The following TFDP2 variants were observed in gnomAD, a reference collection of about 807,000 sequenced individuals.
TFDP2 encodes the protein transcription factor Dp-2 (E2F dimerization partner 2).
In TFDP2, 17 loss-of-function variants were observed where a neutral mutation model predicts 59.3. The ratio of observed to expected loss-of-function variants is 0.29; its 90% CI spans 0.20 to 0.43. TFDP2 has a LOEUF of 0.43. Among genes scored for constraint, TFDP2 ranks in the 20% least tolerant of loss-of-function variants. The pLI is 1.00. For missense variants in TFDP2, 391 were observed against 528.8 expected (o/e 0.74, Z 2.56); for synonymous variants, 180 against 194.7 (o/e 0.92, Z 0.63).
intron 3 of TFDP2, among the ~76,000 whole-genome samples, chr3:142,078,769 A>G (rs554715378): frequency 6.6e-6 from 1 of 152,278 alleles, no homozygotes; most frequent in South Asian, 2.1e-4. Context: ...CACCAAGACC[A>G]TCCAGGAAAA....
intron 6 of TFDP2, among the ~76,000 whole-genome samples, chr3:141,984,843 T>G (rs1430148719): frequency 6.6e-6 from 1 of 152,242 alleles, no homozygotes; most frequent in East Asian, 1.9e-4. Context: ...CAATTATGGC[T>G]ACAAAACCAA....
At chr3:142,103,663 A>G (rs2061382312) in intron 1 of TFDP2, among the ~76,000 whole-genome samples, 1 of 152,184 alleles carries the variant, frequency 6.6e-6, no homozygotes, top group Non-Finnish European at 1.5e-5. Flanking sequence ...AATCTGGGTG[A>G]AGGGCATCTG....
At chr3:142,005,924 C>T (rs1236712949) in intron 3 of TFDP2, among the ~76,000 whole-genome samples, 5 of 117,876 alleles carry the variant, frequency 4.2e-5, no homozygotes, top group Non-Finnish European at 1.0e-4. Context: ...CATAACAGAA[C>T]AAATAATATA....
At chr3:142,139,097 T>C (rs974678676) in intron 1 of TFDP2, among the ~76,000 whole-genome samples, 7 of 152,248 alleles carry the variant, frequency 4.6e-5, no homozygotes, top group African/African-American at 1.4e-4. Context: ...TCTTGTTGAA[T>C]TGATCCCTGT....
intron 3 of TFDP2, among the ~76,000 whole-genome samples, chr3:142,020,679 T>TAA (rs549357924): frequency 1.6e-3 from 227 of 138,480 alleles, no homozygotes; most frequent in African/African-American, 5.2e-3. Flanking sequence ...CCTTTTTCTT[T>TAA]AAAAAAAAAA....
intron 6 of TFDP2, among the ~76,000 whole-genome samples, chr3:141,993,309 A>G (rs1942968153): frequency 6.6e-6 from 1 of 152,232 alleles, no homozygotes; most frequent in Non-Finnish European, 1.5e-5. Context: ...AGGAGAGACT[A>G]AAGGACATAC....
intron 2 of TFDP2, among the ~76,000 whole-genome samples, chr3:142,093,545 A>AT (rs2061067077): frequency 6.6e-6 from 1 of 152,170 alleles, no homozygotes; most frequent in Admixed American, 6.5e-5. Context: ...GATTTTACAG[A>AT]TTTTACTGAC....
At chr3:141,957,517 T>C (rs936601532) in intron 11 of TFDP2, among the ~76,000 whole-genome samples, 4 of 152,126 alleles carry the variant, frequency 2.6e-5, no homozygotes, top group African/African-American at 9.7e-5. Context: ...TTTATAAGAA[T>C]GTTAACAGCA....
chr3:141,953,062 G>T, intron 11 of TFDP2, 46 bp from the exon 12 acceptor site: 2 of 1,376,710 alleles, frequency 1.5e-6, no homozygotes, highest in Non-Finnish European at 2.1e-6. Context: ...TGCAAGTTCT[G>T]TGGCTGCTGT....
At chr3:142,020,893 G>A (rs1008345637) in intron 3 of TFDP2, among the ~76,000 whole-genome samples, 90 of 152,000 alleles carry the variant, frequency 5.9e-4, no homozygotes, top group African/African-American at 2.1e-3. Flanking sequence ...GCTGAGGCAA[G>A]AGGATCTCCT....
chr3:142,108,982 G>A (rs898261830), intron 1 of TFDP2, among the ~76,000 whole-genome samples: 47 of 152,154 alleles, frequency 3.1e-4, no homozygotes, highest in Non-Finnish European at 1.3e-4. Context: ...CCCAGTCTAG[G>A]TAAGGGGTAT....
chr3:141,999,221 A>G (rs1257354612), intron 4 of TFDP2, among the ~76,000 whole-genome samples: 2 of 152,210 alleles, frequency 1.3e-5, no homozygotes, highest in Non-Finnish European at 2.9e-5. Context: ...CTTCCATTTA[A>G]TGAATTATAA....
Position 141,963,945 on chromosome 3 carries a change from G to C in TFDP2, c.751C>G (p.Leu251Val), listed in dbSNP as rs1042007936. The change falls in exon 10 of 13, where the codon CTG becomes GTG. Residue 251 changes from leucine to valine, a missense_variant. By Grantham distance (32) the Leu-to-Val change is conservative. Around this residue, in one of 3 missense-constraint regions of TFDP2, gnomAD observed 223 missense variants for 292.5 expected, o/e 0.76. Transcript: ENST00000489671. ...LLLQQIAFKN[L>V]VQRNRQNEQQ... ...TCATTTTGTCGATTTCTCTGTACCA[G>C]GTTTTTGAAAGCGATTTGCTGTAAT... 3 of 1,612,988 alleles carry C rather than the reference G, an allele frequency of 1.9e-6. No individual in the cohort carries two copies. Among genetic ancestry groups the C allele is most frequent in the Non-Finnish European group, 2.5e-6 (3 of 1,179,802 alleles).
At chr3:142,138,267 T>C (rs535534925) in intron 1 of TFDP2, among the ~76,000 whole-genome samples, 1 of 152,304 alleles carries the variant, frequency 6.6e-6, no homozygotes, top group South Asian at 2.1e-4. Flanking sequence ...TTCTCTCCTC[T>C]TTATTAGTCT....
At position 141,949,013 on chromosome 3, in the gene TFDP2, G is replaced by C. The variant is rs565939862; in HGVS notation, c.*3500C>G. 6.3e-5 allele frequency: 9 copies of C among 143,386 alleles called. No homozygotes were observed. Among genetic ancestry groups the C allele is most frequent in the Non-Finnish European group, 1.4e-4 (9 of 66,344 alleles). 8.9% of individuals were successfully genotyped at this position (143,386 alleles called of 1,614,324 possible). ...GAATGGCGTGAACCCGGGAGGCGGA[G>C]CTTGCAGTGAGCCGAGATCACCACT... On this transcript the variant is annotated 3_prime_UTR_variant, in exon 13 of 13. Transcript: ENST00000489671.
In TFDP2 at chr3:141,962,353, T is replaced by A. The variant is rs551974667; in HGVS notation, c.884+1459A>T. On this transcript the variant is annotated intron_variant, in intron 10 of 12. Coordinates refer to ENST00000489671, the MANE Select transcript of TFDP2 (RefSeq NM_001178139.2). ...TATCAAATAGTTTTGAAATTCCTGCTGTTTTTTTCTTTTTTCTTTTTTCGA... is the reference window on the plus strand; with the variant it reads ...TATCAAATAGTTTTGAAATTCCTGCAGTTTTTTTCTTTTTTCTTTTTTCGA... Among the ~76,000 whole-genome samples the A allele has an allele frequency of 2.6e-5, 4 of 152,200 alleles. No individual in the cohort carries two copies. In the East Asian group the frequency reaches 7.7e-4, roughly 29 times the overall value.
In TFDP2 at chr3:142,103,109, G is replaced by A. The variant is rs2862129; in HGVS notation, c.-92-1268C>T. ...AAAAATTAGCTGGGTGTGGTGGTGC[G>A]TGTCTGTAGTCCTGGCTACTTGGGA... On this transcript the variant is annotated intron_variant, in intron 1 of 12. Coordinates refer to ENST00000489671, the MANE Select transcript of TFDP2 (RefSeq NM_001178139.2). Among the ~76,000 whole-genome samples, 815 of 152,108 alleles carry A rather than the reference G, an allele frequency of 5.4e-3. 11 individuals are homozygous for A. The highest frequency in any genetic ancestry group is 0.037 in the Admixed American group (565 of 15,276).
Position 141,949,046 on chromosome 3 carries a change from A to C in TFDP2, c.*3467T>G, listed in dbSNP as rs1320926311. 1 of 136,464 alleles carries C rather than the reference A, an allele frequency of 7.3e-6. No homozygotes were observed. The highest frequency in any genetic ancestry group is 8.4e-5 in the Admixed American group (1 of 11,920). The allele number at this position is 136,464 out of a possible 1,614,324, so 8.5% of individuals were successfully genotyped here. A position where few individuals can be genotyped will look rare whatever the true frequency, so the allele number is the denominator to read the frequency against. ...TGAGCCGAGATCACCACTGCACTCCAGCCTGGGCAACAGAGCGAGACTCAG... is the reference window on the plus strand; with the variant it reads ...TGAGCCGAGATCACCACTGCACTCCCGCCTGGGCAACAGAGCGAGACTCAG... On this transcript the variant is annotated 3_prime_UTR_variant, in exon 13 of 13. Transcript: ENST00000489671.
intron 3 of TFDP2, chr3:142,028,514 A>G: frequency 3.1e-6 from 3 of 957,626 alleles, no homozygotes. Flanking sequence ...GCTGCTGCTT[A>G]AAGAATATAA....
Sources: allele counts gnomAD v4.1 joint callset (sites outside exome capture counted in the v4.1 genomes callset), GRCh38; gene constraint gnomAD v4.1.1; regional missense constraint gnomAD v4.1.1; transcripts MANE v1.5; gene names NCBI Gene and HGNC (gene_info 2026-07-23, HGNC 2026-07-21).